Variants in PDIA5 observed in about 807,000 individuals in gnomAD.
PDIA5 encodes the protein protein disulfide isomerase family A member 5, also known as protein disulfide-isomerase A5.
PDIA5 carries 58 observed loss-of-function variants against 77.6 expected under a neutral mutation model. That is an observed-to-expected ratio of 0.75 (90% CI 0.61 to 0.93). The LOEUF is 0.93. PDIA5 is among the 40% of genes least tolerant of loss of function. The pLI is 0.00. For missense variants in PDIA5, 630 were observed against 647.7 expected, an observed-to-expected ratio of 0.97 and a Z score of 0.30; for synonymous variants, 250 against 252.1, an observed-to-expected ratio of 0.99 and a Z score of 0.08.
rs55746638 is a variant in PDIA5, at chr3:123,124,413, G to A, written c.773+70G>A. 3.9e-3 allele frequency: 4,231 copies of A among 1,082,712 alleles called. 102 individuals carry two copies. The African/African-American group carries it at 0.052, about 13-fold the overall frequency. The allele number at this position is 1,082,712 out of a possible 1,614,324, so 67.1% of individuals were successfully genotyped here. A position where few individuals can be genotyped will look rare whatever the true frequency, so the allele number is the denominator to read the frequency against. On this transcript the variant is annotated intron_variant, in intron 10 of 16. Coordinates refer to ENST00000316218, the MANE Select transcript of PDIA5 (RefSeq NM_006810.4). ...GGGGCATCTGCCGGGCCTGAGGGTC[G>A]CAGGGCTCTGGCTGGAGGTTGGGGG...
intron 6 of PDIA5, among the ~76,000 whole-genome samples, chr3:123,110,503 C>G (rs902062608): frequency 6.6e-6 from 1 of 152,156 alleles, no homozygotes; most frequent in Non-Finnish European, 1.5e-5. Context: ...ATGAAAACAG[C>G]CACCCGCAGC....
In PDIA5 at chr3:123,116,179, G is replaced by A. The variant is rs536551900; in HGVS notation, c.542-52G>A. 18 of 1,485,342 alleles carry A rather than the reference G, an allele frequency of 1.2e-5. 1 individual carries two copies. The African/African-American group carries it at 2.2e-4, about 18-fold the overall frequency. 92.0% of individuals were successfully genotyped at this position (1,485,342 alleles called of 1,614,324 possible). On this transcript the variant is annotated intron_variant, in intron 7 of 16. Transcript: ENST00000316218. ...CATGGGGAGGCAGGGCAGGGTGCAA[G>A]GGCTCAGCCATCCCTGTAACCGGAT...
rs1016116474 is a variant in PDIA5, at chr3:123,162,042, A to G, written c.*82A>G. On this transcript the variant is annotated 3_prime_UTR_variant, in exon 17 of 17. Coordinates refer to ENST00000316218, the MANE Select transcript of PDIA5 (RefSeq NM_006810.4). ...TTCTGAATTTCCACATGTTCTGAAGACAAATTTTTTATAGCCGCTTATGGC... is the reference window on the plus strand; with the variant it reads ...TTCTGAATTTCCACATGTTCTGAAGGCAAATTTTTTATAGCCGCTTATGGC... The G allele has an allele frequency of 1.2e-6, 1 of 861,614 alleles. No individual in the cohort carries two copies. Among genetic ancestry groups the G allele is most frequent in the Non-Finnish European group, 1.9e-6 (1 of 523,872 alleles). The allele number at this position is 861,614 out of a possible 1,614,324, so 53.4% of individuals were successfully genotyped here.
intron 15 of PDIA5, among the ~76,000 whole-genome samples, chr3:123,156,559 G>A (rs1195905863): frequency 5.9e-5 from 9 of 152,170 alleles, no homozygotes; most frequent in African/African-American, 1.7e-4. Context: ...CCACAGGACC[G>A]GAATAGCTGC....
intron 8 of PDIA5, among the ~76,000 whole-genome samples, chr3:123,117,065 G>A (rs1004295436): frequency 2.0e-5 from 3 of 151,944 alleles, no homozygotes; most frequent in African/African-American, 4.8e-5. Context: ...CAGAAGGGCC[G>A]AGGGTCAGTC....
chr3:123,144,363 C>G (rs1351203197), intron 11 of PDIA5: 1 of 152,214 alleles, frequency 6.6e-6, no homozygotes, highest in Non-Finnish European at 1.5e-5. Flanking sequence ...ATGCATGGTC[C>G]CCGCACAGCC....
chr3:123,111,071 G>A (rs1934851846), intron 7 of PDIA5, 67 bp downstream of exon 7: 1 of 1,209,384 alleles, frequency 8.3e-7, no homozygotes, highest in Non-Finnish European at 1.2e-6. Context: ...GAGGCAGGTG[G>A]GGGTTGCGGG....
chr3:123,100,229 C>T (rs989036278), intron 3 of PDIA5, among the ~76,000 whole-genome samples: 1 of 152,258 alleles, frequency 6.6e-6, no homozygotes, highest in Non-Finnish European at 1.5e-5. Context: ...AAGGGCACCT[C>T]GTTCGCAGTT....
In PDIA5 at chr3:123,141,451, A is replaced by T. The variant is rs114192899; in HGVS notation, c.911-4071A>T. Among the ~76,000 whole-genome samples the T allele has an allele frequency of 9.1e-3, 1,390 of 152,288 alleles. 27 individuals are homozygous for T. The highest frequency in any genetic ancestry group is 0.03 in the African/African-American group (1,268 of 41,576). Reference sequence around the variant, plus strand: ...GGCAGTGGACCTTTGGGGACTTTGCATGGACCACTCACATCTCTCCAGAGC... The same window carrying T: ...GGCAGTGGACCTTTGGGGACTTTGCTTGGACCACTCACATCTCTCCAGAGC... On this transcript the variant is annotated intron_variant, in intron 11 of 16. Transcript: ENST00000316218.
chr3:123,160,309 A>G (rs1272991222), intron 15 of PDIA5, among the ~76,000 whole-genome samples: 4 of 152,180 alleles, frequency 2.6e-5, no homozygotes, highest in Non-Finnish European at 5.9e-5. Context: ...TTTCTGCTTT[A>G]TACTGTCTTC....
At chr3:123,086,898 G>C (rs1934154283) in intron 1 of PDIA5, among the ~76,000 whole-genome samples, 1 of 152,158 alleles carries the variant, frequency 6.6e-6, no homozygotes, top group African/African-American at 2.4e-5. Flanking sequence ...AGTTTGGCTG[G>C]TTACAGAATT....
At chr3:123,077,581 C>T (rs1933886943) in intron 1 of PDIA5, among the ~76,000 whole-genome samples, 1 of 143,998 alleles carries the variant, frequency 6.9e-6, no homozygotes. Context: ...CACACACACA[C>T]ACAACAATAT....
chr3:123,117,399 T>TATATA (rs60353329), intron 8 of PDIA5, among the ~76,000 whole-genome samples: 6 of 135,408 alleles, frequency 4.4e-5, no homozygotes, highest in African/African-American at 1.1e-4. Flanking sequence ...TATATATATA[T>TATATA]TCTGTTTTAG....
chr3:123,068,005 G>A (rs1015967536), intron 1 of PDIA5, among the ~76,000 whole-genome samples: 3 of 152,148 alleles, frequency 2.0e-5, no homozygotes, highest in Non-Finnish European at 4.4e-5. Context: ...TGGTGGGGGG[G>A]ACTCCAGGCA....
chr3:123,156,603 G>A (rs1475806581), intron 15 of PDIA5, among the ~76,000 whole-genome samples: 7 of 152,204 alleles, frequency 4.6e-5, no homozygotes, highest in Non-Finnish European at 1.5e-5. Flanking sequence ...GTGCCACCCA[G>A]AATGCTGGGT....
rs768298024 is a variant in PDIA5, at chr3:123,102,808, T to C, written c.387+12T>C. 6.3e-7 allele frequency: 1 copy of C among 1,582,738 alleles called. No homozygotes were observed. The highest frequency in any genetic ancestry group is 2.2e-5 in the East Asian group (1 of 44,748). ...CTGTGACATTTAAGGTAAATTTACC[T>C]CCCTTGTTCTCAGCAATGGTGGAGT... On this transcript the variant is annotated intron_variant, in intron 5 of 16. Coordinates refer to ENST00000316218, the MANE Select transcript of PDIA5 (RefSeq NM_006810.4).
At chr3:123,099,426 G>A (rs150639169) in intron 3 of PDIA5, among the ~76,000 whole-genome samples, 1 of 152,362 alleles carries the variant, frequency 6.6e-6, no homozygotes, top group East Asian at 1.9e-4. Flanking sequence ...TGCCAGAAGT[G>A]TGCTCAGATG....
At chr3:123,157,258 T>G (rs1936042072) in intron 15 of PDIA5, among the ~76,000 whole-genome samples, 1 of 152,212 alleles carries the variant, frequency 6.6e-6, no homozygotes, top group African/African-American at 2.4e-5. Context: ...CCATCTGGCC[T>G]GGGGGGCTGA....
chr3:123,137,389 T>C (rs1241707493), intron 11 of PDIA5, among the ~76,000 whole-genome samples: 1 of 152,250 alleles, frequency 6.6e-6, no homozygotes, highest in African/African-American at 2.4e-5. Flanking sequence ...ATTCTTGACC[T>C]AGAACTCTAC....
Sources: gnomAD v4.1 joint callset for allele counts (sites outside exome capture counted in the v4.1 genomes callset) on GRCh38, gnomAD v4.1.1 for gene constraint, MANE v1.5 for transcripts, NCBI Gene and HGNC (gene_info 2026-07-23, HGNC 2026-07-21) for gene names.